Variants in NAALADL2 observed in about 807,000 individuals in gnomAD.
NAALADL2 encodes the protein N-acetylated alpha-linked acidic dipeptidase like 2.
Under a neutral mutation model 87.2 loss-of-function variants are expected in NAALADL2, and 76 were observed. The observed-to-expected ratio is 0.87, with a 90% CI of 0.72 to 1.05. NAALADL2 has a LOEUF of 1.05. Ranked by LOEUF, NAALADL2 falls within the 50% of genes least tolerant of loss-of-function variation. The pLI is 0.00. For synonymous variants in NAALADL2, 354 were observed against 331.0 expected (o/e 1.07, Z -0.75); for missense variants, 1,089 against 945.8 (o/e 1.15, Z -1.99).
intron 10 of NAALADL2, among the ~76,000 whole-genome samples, chr3:175,602,478 A>C (rs1723108155): frequency 6.8e-6 from 1 of 148,016 alleles, no homozygotes. Context: ...AGAGAGAGAG[A>C]GAGCGAGCTA....
At chr3:174,814,922 T>C (rs1720626713) in intron 3 of NAALADL2, among the ~76,000 whole-genome samples, 1 of 152,180 alleles carries the variant, frequency 6.6e-6, no homozygotes, top group South Asian at 2.1e-4. Context: ...TGTAGGTAAA[T>C]GAATGGTCGC....
intron 2 of NAALADL2, among the ~76,000 whole-genome samples, chr3:175,140,711 A>G (rs1378553942): frequency 6.6e-6 from 1 of 152,186 alleles, no homozygotes; most frequent in African/African-American, 2.4e-5. Flanking sequence ...TGAGATAGAC[A>G]GGGTCCTCGC....
intron 3 of NAALADL2, among the ~76,000 whole-genome samples, chr3:174,854,210 T>G (rs1311816099): frequency 6.6e-6 from 1 of 152,146 alleles, no homozygotes; most frequent in Non-Finnish European, 1.5e-5. Context: ...ATAAAAAGAA[T>G]GAAATAATAT....
Position 174,927,264 on chromosome 3 carries a change from A to C in NAALADL2, c.43+67814A>C, listed in dbSNP as rs145680417. Among the ~76,000 whole-genome samples, 401 of 152,232 alleles carry C rather than the reference A, an allele frequency of 2.6e-3. 1 individual carries two copies. The highest frequency in any genetic ancestry group is 4.1e-3 in the Non-Finnish European group (281 of 68,002). On this transcript the variant is annotated intron_variant, in intron 1 of 13. Coordinates refer to ENST00000454872, the MANE Select transcript of NAALADL2 (RefSeq NM_207015.3). ...ACTCCCACACAATAATAATGGGAGA[A>C]TTTAACACCCCACTGTCAACATTAG...
At chr3:175,059,069 T>C (rs1447984080) in intron 1 of NAALADL2, among the ~76,000 whole-genome samples, 2 of 152,230 alleles carry the variant, frequency 1.3e-5, no homozygotes, top group Admixed American at 6.5e-5. Context: ...CCAAGAAATA[T>C]TGTTATTAAC....
chr3:174,974,015 TAC>T lies in NAALADL2; in HGVS notation c.43+114567_43+114568del, dbSNP rs376999902. ...AATTGGACCACCCAGTGGATTTTTC[TAC>T]AGTGACACATTAAAAATAGTATTGA... On this transcript the variant is annotated intron_variant, in intron 1 of 13. Transcript: ENST00000454872. Among the ~76,000 whole-genome samples the T allele has an allele frequency of 5.3e-3, 810 of 152,332 alleles. 7 individuals are homozygous for T. The highest frequency in any genetic ancestry group is 0.018 in the African/African-American group (765 of 41,592).
At chr3:174,467,055 A>G (rs776536611) in intron 1 of NAALADL2, among the ~76,000 whole-genome samples, 10 of 152,110 alleles carry the variant, frequency 6.6e-5, no homozygotes, top group Non-Finnish European at 1.3e-4. Flanking sequence ...TTGAAATGAG[A>G]GTCTTTTCAG....
chr3:174,595,314 G>C (rs374902765), intron 2 of NAALADL2, among the ~76,000 whole-genome samples: 1 of 151,856 alleles, frequency 6.6e-6, no homozygotes, highest in East Asian at 1.9e-4. Flanking sequence ...TGTCTTATTT[G>C]TAGGGCTACT....
At chr3:175,087,835 C>T (rs550455742) in intron 1 of NAALADL2, among the ~76,000 whole-genome samples, 28 of 151,814 alleles carry the variant, frequency 1.8e-4, no homozygotes, top group Admixed American at 1.3e-4. Context: ...TATCTGCTGA[C>T]CTTCCCTCCA....
intron 1 of NAALADL2, among the ~76,000 whole-genome samples, chr3:175,067,098 C>T (rs1004665781): frequency 2.6e-5 from 4 of 151,986 alleles, no homozygotes; most frequent in African/African-American, 7.2e-5. Context: ...TTGTAAAATG[C>T]TCTCTTAAAG....
chr3:174,597,550 C>A (rs545120109), intron 2 of NAALADL2, among the ~76,000 whole-genome samples: 8 of 152,262 alleles, frequency 5.3e-5, no homozygotes, highest in African/African-American at 1.7e-4. Flanking sequence ...ATTTTCTGTA[C>A]CTTCTAGTGA....
At chr3:174,593,197 T>C (rs1480505703) in intron 2 of NAALADL2, among the ~76,000 whole-genome samples, 3 of 152,166 alleles carry the variant, frequency 2.0e-5, no homozygotes, top group Admixed American at 6.5e-5. Context: ...TTAGTTTAAC[T>C]CTAAATTGCT....
chr3:174,820,028 G>C (rs995748698), intron 3 of NAALADL2, among the ~76,000 whole-genome samples: 1 of 152,052 alleles, frequency 6.6e-6, no homozygotes, highest in Non-Finnish European at 1.5e-5. Flanking sequence ...CTTCAGTTTG[G>C]AATGCACTTA....
At chr3:175,732,093 G>A (rs980357077) in intron 11 of NAALADL2, among the ~76,000 whole-genome samples, 6 of 152,158 alleles carry the variant, frequency 3.9e-5, no homozygotes, top group African/African-American at 1.4e-4. Context: ...TTCATTTCCT[G>A]AAGTACAGCG....
chr3:175,488,674 A>T (rs1029843543), intron 9 of NAALADL2, among the ~76,000 whole-genome samples: 1 of 152,298 alleles, frequency 6.6e-6, no homozygotes, highest in South Asian at 2.1e-4. Flanking sequence ...TACCTTTGAG[A>T]TTGTGCTAAG....
intron 9 of NAALADL2, among the ~76,000 whole-genome samples, chr3:175,499,667 C>A (rs1293794776): frequency 6.6e-6 from 1 of 151,956 alleles, no homozygotes; most frequent in Non-Finnish European, 1.5e-5. Context: ...CAAAATTATT[C>A]TTTTTGAATC....
chr3:174,923,334 A>G lies in NAALADL2; in HGVS notation c.43+63884A>G, dbSNP rs139075602. ...AACCCATAGAATTAAGTACATATCC[A>G]TGAGTACATAGTGCAATAAATAAGA... On this transcript the variant is annotated intron_variant, in intron 1 of 13. Transcript: ENST00000454872. 2.0e-4 allele frequency among the ~76,000 whole-genome samples: 30 copies of G among 152,328 alleles called. No homozygotes were observed. The East Asian group carries it at 2.9e-3, about 15-fold the overall frequency.
At chr3:175,069,730 C>T (rs1315991546) in intron 1 of NAALADL2, among the ~76,000 whole-genome samples, 1 of 151,856 alleles carries the variant, frequency 6.6e-6, no homozygotes, top group Non-Finnish European at 1.5e-5. Context: ...TATTGTGGCA[C>T]TATTCACAAT....
intron 5 of NAALADL2, among the ~76,000 whole-genome samples, chr3:175,445,315 T>C (rs1308644081): frequency 6.6e-6 from 1 of 152,208 alleles, no homozygotes; most frequent in Non-Finnish European, 1.5e-5. Context: ...TTTGAAGTTA[T>C]AGATGCATTT....
Sources: allele counts gnomAD v4.1 joint callset (sites outside exome capture counted in the v4.1 genomes callset), GRCh38; gene constraint gnomAD v4.1.1; transcripts MANE v1.5; gene names NCBI Gene and HGNC (gene_info 2026-07-23, HGNC 2026-07-21).